GPR39: variants seen among roughly 807,000 people sequenced by gnomAD.
The protein encoded by GPR39 is G protein-coupled receptor 39.
Under a neutral mutation model 18.4 loss-of-function variants are expected in GPR39, and 23 were observed. The ratio of observed to expected loss-of-function variants is 1.25; its 90% CI spans 0.90 to 1.77. GPR39 has a LOEUF of 1.77. Ranked by LOEUF, GPR39 falls within the 40% of genes most tolerant of loss-of-function variation. The pLI, the probability that GPR39 is intolerant of heterozygous loss-of-function variation, is 0.00. For synonymous variants in GPR39, 280 were observed against 257.9 expected (o/e 1.09, Z -0.82); for missense variants, 647 against 602.4 (o/e 1.07, Z -0.78).
At chr2:132,434,736 A>G (rs1680282024) in intron 1 of GPR39, among the ~76,000 whole-genome samples, 1 of 152,218 alleles carries the variant, frequency 6.6e-6, no homozygotes, top group Non-Finnish European at 1.5e-5. Context: ...AAAACAATAA[A>G]TTCCTGGTGG....
chr2:132,435,259 T>A (rs1219888185), intron 1 of GPR39, among the ~76,000 whole-genome samples: 1 of 152,134 alleles, frequency 6.6e-6, no homozygotes, highest in African/African-American at 2.4e-5. Context: ...TCACCCCTTC[T>A]GCCTCTGCCA....
intron 1 of GPR39, among the ~76,000 whole-genome samples, chr2:132,587,883 T>C (rs1223339593): frequency 1.3e-5 from 2 of 152,190 alleles, no homozygotes; most frequent in East Asian, 3.8e-4. Flanking sequence ...TCCATGGCCA[T>C]GTACTTTCTG....
chr2:132,485,720 C>T (rs914424499), intron 1 of GPR39, among the ~76,000 whole-genome samples: 18 of 152,218 alleles, frequency 1.2e-4, no homozygotes, highest in African/African-American at 4.3e-4. Flanking sequence ...GGCTCCACTT[C>T]TAATTCTAGT....
chr2:132,594,474 A>G (rs979092462), intron 1 of GPR39, among the ~76,000 whole-genome samples: 3 of 152,046 alleles, frequency 2.0e-5, no homozygotes, highest in Admixed American at 2.0e-4. Context: ...GGTCCCATCT[A>G]GTATTTCTTT....
chr2:132,444,008 G>C (rs1048709226), intron 1 of GPR39, among the ~76,000 whole-genome samples: 5 of 152,138 alleles, frequency 3.3e-5, no homozygotes, highest in Non-Finnish European at 5.9e-5. Context: ...CTGGGAGGTG[G>C]AGGTTGCAGT....
rs374747363 is a variant in GPR39, at chr2:132,581,945, C to CA, written c.857-63146dup. On this transcript the variant is annotated intron_variant, in intron 1 of 1. Transcript: ENST00000329321. ...GTGGTGTTGTTTACTGCAGATGTTT[C>CA]AAAAAAAAAAGAATTCAAACTAGTT... Among the ~76,000 whole-genome samples, 1,229 of 147,838 alleles carry CA rather than the reference C, an allele frequency of 8.3e-3. 15 individuals carry two copies. The highest frequency in any genetic ancestry group is 0.027 in the African/African-American group (1,086 of 40,356).
At chr2:132,571,775 TTAAAC>T in intron 1 of GPR39, among the ~76,000 whole-genome samples, 1 of 152,158 alleles carries the variant, frequency 6.6e-6, no homozygotes, top group Non-Finnish European at 1.5e-5. Flanking sequence ...TTTGAGGAGA[TTAAAC>T]TAACCCCATA....
Position 132,590,818 on chromosome 2 carries a change from C to CGTGTGTGTGT in GPR39, c.857-54258_857-54249dup, listed in dbSNP as rs3066458. Among the ~76,000 whole-genome samples, 353 of 144,000 alleles carry CGTGTGTGTGT rather than the reference C, an allele frequency of 2.5e-3. 3 individuals are homozygous for CGTGTGTGTGT. The highest frequency in any genetic ancestry group is 7.7e-3 in the African/African-American group (299 of 38,748). The allele number at this position is 144,000 out of a possible 152,430, so 94.5% of individuals were successfully genotyped here. ...GGATTGAAGGATGCAAAGTATTGTT[C>CGTGTGTGTGT]GTGTGTGTGTGTGTGTGTGTGTGTG... On this transcript the variant is annotated intron_variant, in intron 1 of 1. Coordinates refer to ENST00000329321, the MANE Select transcript of GPR39 (RefSeq NM_001508.3).
rs35614907 is a variant in GPR39, at chr2:132,438,573, CTTTT to C, written c.856+20697_856+20700del. ...TCATGATACCTGTAATGTCAGCAAGCTTTTTTTTTTTTTTTTTTTTTTTTTACAT... is the reference window on the plus strand; with the variant it reads ...TCATGATACCTGTAATGTCAGCAAGCTTTTTTTTTTTTTTTTTTTTTACAT... On this transcript the variant is annotated intron_variant, in intron 1 of 1. Coordinates refer to ENST00000329321, the MANE Select transcript of GPR39 (RefSeq NM_001508.3). 6.9e-3 allele frequency among the ~76,000 whole-genome samples: 671 copies of C among 97,734 alleles called. 5 individuals are homozygous for C. The highest frequency in any genetic ancestry group is 0.016 in the African/African-American group (414 of 26,416). The allele number at this position is 97,734 out of a possible 152,430, so 64.1% of individuals were successfully genotyped here.
intron 1 of GPR39, among the ~76,000 whole-genome samples, chr2:132,536,766 A>G (rs184719578): frequency 1.8e-3 from 267 of 152,276 alleles, no homozygotes; most frequent in African/African-American, 5.4e-3. Flanking sequence ...TTTGGTGCGT[A>G]TATATTTAGG....
At chr2:132,482,164 A>G (rs1348530033) in intron 1 of GPR39, among the ~76,000 whole-genome samples, 1 of 152,164 alleles carries the variant, frequency 6.6e-6, no homozygotes, top group Non-Finnish European at 1.5e-5. Context: ...TAGACAAGCA[A>G]TTAACTGATT....
At chr2:132,549,923 A>G (rs1010743216) in intron 1 of GPR39, among the ~76,000 whole-genome samples, 1 of 152,242 alleles carries the variant, frequency 6.6e-6, no homozygotes. Flanking sequence ...TGTGATGCTC[A>G]TAAACAACCT....
intron 1 of GPR39, among the ~76,000 whole-genome samples, chr2:132,580,973 CAA>C (rs572666834): frequency 5.3e-5 from 5 of 94,714 alleles, no homozygotes; most frequent in African/African-American, 2.1e-4. Flanking sequence ...AAAAAAAAAA[CAA>C]AAAAAAAAAC....
chr2:132,424,716 G>A (rs1355109840), intron 1 of GPR39, among the ~76,000 whole-genome samples: 3 of 152,188 alleles, frequency 2.0e-5, no homozygotes, highest in Non-Finnish European at 4.4e-5. Context: ...TTCTAGTGCT[G>A]CCCCTAGAGT....
In GPR39 at chr2:132,457,583, G is replaced by C. The variant is rs551790169; in HGVS notation, c.856+39685G>C. On this transcript the variant is annotated intron_variant, in intron 1 of 1. Coordinates refer to ENST00000329321, the MANE Select transcript of GPR39 (RefSeq NM_001508.3). ...AGGTGTCTCCCAGTTAGGCTACACG[G>C]GGTTCAGGGACCCACTTGAGGAGGC... Among the ~76,000 whole-genome samples the C allele has an allele frequency of 3.3e-5, 5 of 152,308 alleles. No individual in the cohort carries two copies. In the East Asian group the frequency reaches 9.7e-4, roughly 29 times the overall value.
At chr2:132,451,198 C>T (rs926814085) in intron 1 of GPR39, among the ~76,000 whole-genome samples, 6 of 148,042 alleles carry the variant, frequency 4.1e-5, no homozygotes, top group African/African-American at 1.5e-4. Flanking sequence ...ATGCTTTGCC[C>T]TTTGATAGTC....
At chr2:132,452,837 C>G (rs1207211438) in intron 1 of GPR39, among the ~76,000 whole-genome samples, 2 of 147,154 alleles carry the variant, frequency 1.4e-5, no homozygotes, top group Non-Finnish European at 3.0e-5. Flanking sequence ...CATAGTATTC[C>G]ACGCTGTATA....
At chr2:132,440,340 T>G (rs1355561527) in intron 1 of GPR39, among the ~76,000 whole-genome samples, 2 of 152,166 alleles carry the variant, frequency 1.3e-5, no homozygotes, top group Non-Finnish European at 2.9e-5. Flanking sequence ...TTGTGGTTCT[T>G]GGTTAGACTA....
chr2:132,603,693 G>T (rs1681085623), intron 1 of GPR39, among the ~76,000 whole-genome samples: 1 of 152,112 alleles, frequency 6.6e-6, no homozygotes, highest in Non-Finnish European at 1.5e-5. Flanking sequence ...GATCACAAAG[G>T]GTGTACATTT....
Sources: allele counts gnomAD v4.1 joint callset (sites outside exome capture counted in the v4.1 genomes callset), GRCh38; gene constraint gnomAD v4.1.1; transcripts MANE v1.5; gene names NCBI Gene and HGNC (gene_info 2026-07-23, HGNC 2026-07-21).